CIBAR2: variants seen among roughly 807,000 people sequenced by gnomAD.
CIBAR2 encodes CBY1-interacting BAR domain-containing protein 2.
A neutral mutation model predicts 36.2 loss-of-function variants in CIBAR2; 38 were observed. The ratio of observed to expected loss-of-function variants is 1.05; its 90% confidence interval spans 0.81 to 1.38. The LOEUF (loss-of-function observed/expected upper bound fraction) is 1.38. CIBAR2 is among the 40% of genes most tolerant of loss of function. The pLI is 0.00. For missense variants in CIBAR2, 481 were observed against 383.4 expected (o/e 1.25, Z -2.13); for synonymous variants, 182 against 149.5 (o/e 1.22, Z -1.58).
At chr16:85,110,648 C>T (rs2074034934) in intron 1 of CIBAR2, among the ~76,000 whole-genome samples, 188 bp from the exon 2 acceptor site, 1 of 151,076 alleles carries the variant, frequency 6.6e-6, no homozygotes, top group East Asian at 1.9e-4. Flanking sequence ...GGGGATCTGC[C>T]TGGGCTGGTC....
In CIBAR2 at chr16:85,105,400, T is replaced by A. The variant is rs781497163; in HGVS notation, c.464A>T (p.Asp155Val). 6.2e-7 allele frequency: 1 copy of A among 1,613,464 alleles called. No homozygotes were observed. Among genetic ancestry groups the A allele is most frequent in the South Asian group, 1.1e-5 (1 of 91,062 alleles). The change falls in exon 6 of 9, where the codon GAC (aspartate) becomes GTC (valine). Residue 155 changes from aspartate to valine, a missense_variant. Asp to Val is a radical substitution (Grantham distance 152). Transcript: ENST00000539556. ...CAGCTGGAGGGTGGTGCGGCTGGAG[T>A]CCACAGCGGCCCTCTGCACTCTGGT... is the stretch of plus-strand genomic sequence containing the variant. ...AETRVQRAAV[D>V]SSRTTLQLEE...
At chr16:85,109,475 G>A (rs1305091198) in intron 2 of CIBAR2, among the ~76,000 whole-genome samples, 2 of 152,110 alleles carry the variant, frequency 1.3e-5, no homozygotes, top group Non-Finnish European at 2.9e-5. Context: ...CATGACATGC[G>A]TTGCTATCTG....
At position 85,110,470 on chromosome 16, in the gene CIBAR2, C is replaced by A; in HGVS notation, c.21-10G>T. The A allele has an allele frequency of 6.4e-7, 1 of 1,573,202 alleles. No individual in the cohort carries two copies. Among genetic ancestry groups the A allele is most frequent in the Admixed American group, 1.8e-5 (1 of 55,862 alleles). The stretch of plus-strand genomic sequence containing the variant: ...CCTCACCTGGCTGTCCCTGTGGAGG[C>A]GGGGACCTGAGCAGCCATTCTGGGC... On this transcript the variant is annotated splice_polypyrimidine_tract_variant and intron_variant, in intron 1 of 8. Transcript: ENST00000539556.
chr16:85,104,596 A>G (rs925829975), intron 6 of CIBAR2, among the ~76,000 whole-genome samples: 2 of 152,136 alleles, frequency 1.3e-5, no homozygotes, highest in Non-Finnish European at 2.9e-5. Context: ...CGTGCCTATA[A>G]TCTCAGCTAC....
At chr16:85,104,566 A>G (rs1946895349) in intron 6 of CIBAR2, among the ~76,000 whole-genome samples, 1 of 152,134 alleles carries the variant, frequency 6.6e-6, no homozygotes, top group South Asian at 2.1e-4. Context: ...AAATACAAAA[A>G]TTAGCTGGGC....
intron 5 of CIBAR2, among the ~76,000 whole-genome samples, chr16:85,107,158 G>GC (rs1354206458): frequency 6.6e-6 from 1 of 151,288 alleles, no homozygotes; most frequent in Admixed American, 6.6e-5. Context: ...CAAAAAAAAG[G>GC]GGGGGGGCAC....
chr16:85,109,473 G>A (rs571687770), intron 2 of CIBAR2, among the ~76,000 whole-genome samples: 23 of 152,268 alleles, frequency 1.5e-4, no homozygotes, highest in African/African-American at 5.3e-4. Flanking sequence ...CCCATGACAT[G>A]CGTTGCTATC....
In CIBAR2 at chr16:85,099,051, G is replaced by C. The variant is rs1597662490; in HGVS notation, c.*134C>G. On this transcript the variant is annotated 3_prime_UTR_variant, in exon 9 of 9. Transcript: ENST00000539556. ...TGAACAAGTAGAAGAAGGAAATTCAGAGCTTGAAGACAAGGTCTTTGAATT... is the reference window on the plus strand; with the variant it reads ...TGAACAAGTAGAAGAAGGAAATTCACAGCTTGAAGACAAGGTCTTTGAATT... 1 of 1,071,534 alleles carries C rather than the reference G, an allele frequency of 9.3e-7. No homozygotes were observed. Among genetic ancestry groups the C allele is most frequent in the African/African-American group, 1.6e-5 (1 of 60,786 alleles). 66.4% of individuals were successfully genotyped at this position (1,071,534 alleles called of 1,614,324 possible). A position where few individuals can be genotyped will look rare whatever the true frequency, so the allele number is the denominator to read the frequency against.
In CIBAR2 at chr16:85,099,350, C is replaced by A. The variant is rs755321134; in HGVS notation, c.754-4G>T. On this transcript the variant is annotated splice_region_variant and splice_polypyrimidine_tract_variant and intron_variant, in intron 8 of 8. Transcript: ENST00000539556. Reference sequence around the variant, plus strand: ...TCAGCTGGACCTGCAGAGTTCCCTGCAGAAATATAAATGCACCTGATGGCA... The same window carrying A: ...TCAGCTGGACCTGCAGAGTTCCCTGAAGAAATATAAATGCACCTGATGGCA... 4.1e-5 allele frequency: 62 copies of A among 1,505,244 alleles called. No individual in the cohort carries two copies. Among genetic ancestry groups the A allele is most frequent in the Non-Finnish European group, 5.5e-5 (59 of 1,080,994 alleles). The allele number at this position is 1,505,244 out of a possible 1,614,324, so 93.2% of individuals were successfully genotyped here. A position where few individuals can be genotyped will look rare whatever the true frequency, so the allele number is the denominator to read the frequency against.
chr16:85,100,151 A>C lies in CIBAR2; in HGVS notation c.741T>G (p.Ser247=), dbSNP rs959181717. The stretch of plus-strand genomic sequence containing the variant: ...CCCACACGCTCACCTGGCTGGCGAG[A>C]GACTGAAGAACAGATGGAGGGGGGC... The part of the protein sequence containing the change: ...NTSPPPSVLQ[S]LASQGTLQVQ... The change falls in exon 8 of 9, where the codon TCT becomes TCG. Residue 247 remains serine, a synonymous_variant. Coordinates refer to ENST00000539556, the MANE Select transcript of CIBAR2 (RefSeq NM_198491.3). The C allele has an allele frequency of 6.2e-7, 1 of 1,610,080 alleles. No homozygotes were observed. The highest frequency in any genetic ancestry group is 8.5e-7 in the Non-Finnish European group (1 of 1,178,538).
chr16:85,105,220 C>T, intron 6 of CIBAR2, 107 bp downstream of exon 6: 1 of 691,380 alleles, frequency 1.4e-6, no homozygotes, highest in South Asian at 1.7e-5. Flanking sequence ...GTACACAGAC[C>T]CATACACACT....
At chr16:85,111,483 C>A (rs918987248) in intron 1 of CIBAR2, among the ~76,000 whole-genome samples, 10 of 152,190 alleles carry the variant, frequency 6.6e-5, no homozygotes, top group African/African-American at 2.4e-4. Flanking sequence ...GACACTGGGG[C>A]TCCTAGGCCC....
intron 6 of CIBAR2, 83 bp downstream of exon 6, chr16:85,105,244 G>T (rs1272306522): frequency 2.5e-6 from 2 of 809,916 alleles, no homozygotes; most frequent in Non-Finnish European, 4.2e-6. Flanking sequence ...GCTGAAGCAT[G>T]CACACAGACA....
chr16:85,102,184 CA>C, intron 7 of CIBAR2, 29 bp downstream of exon 7: 1 of 1,253,480 alleles, frequency 8.0e-7, no homozygotes, highest in South Asian at 1.2e-5. Flanking sequence ...CCCACTCCAC[CA>C]TATAGGAAAC....
intron 5 of CIBAR2, among the ~76,000 whole-genome samples, chr16:85,107,133 C>A (rs887297221): frequency 2.0e-5 from 3 of 151,158 alleles, no homozygotes; most frequent in South Asian, 4.2e-4. Flanking sequence ...GGCAACAGAG[C>A]GAGACTTTGT....
At chr16:85,101,827 G>A (rs2073957990) in intron 7 of CIBAR2, among the ~76,000 whole-genome samples, 1 of 151,882 alleles carries the variant, frequency 6.6e-6, no homozygotes. Flanking sequence ...CCACCACCAC[G>A]CCTGGCTAAT....
chr16:85,106,563 G>C (rs952088702), intron 5 of CIBAR2, among the ~76,000 whole-genome samples: 5 of 152,138 alleles, frequency 3.3e-5, no homozygotes, highest in African/African-American at 1.2e-4. Context: ...CAGGCTGCCA[G>C]CTTGAAGACA....
In CIBAR2 at chr16:85,102,229, C is replaced by T. The variant is rs2073960955; in HGVS notation, c.636G>A (p.Leu212=). 1.9e-6 allele frequency: 3 copies of T among 1,597,642 alleles called. No homozygotes were observed. Among genetic ancestry groups the T allele is most frequent in the South Asian group, 2.2e-5 (2 of 90,758 alleles). ...TGTGACTCACCAGTAGATCCCTCTCCAGGTCATACTTCTCCAGGGTCTGGA... is the reference window on the plus strand; with the variant it reads ...TGTGACTCACCAGTAGATCCCTCTCTAGGTCATACTTCTCCAGGGTCTGGA... ...SAFQTLEKYD[L]ERDLLDFRAK... is the part of the protein sequence containing the mutation. Residue 212 remains leucine, a synonymous_variant, in exon 7 of 9, where the codon CTG becomes CTA. Coordinates refer to ENST00000539556, the MANE Select transcript of CIBAR2 (RefSeq NM_198491.3).
intron 8 of CIBAR2, 100 bp from the exon 9 acceptor site, chr16:85,099,446 T>A: frequency 4.1e-6 from 3 of 735,778 alleles, no homozygotes; most frequent in Admixed American, 2.3e-5. Flanking sequence ...TGAGGAACCC[T>A]GGATTCTGGA....
Sources: allele counts gnomAD v4.1 joint callset (sites outside exome capture counted in the v4.1 genomes callset), GRCh38; gene constraint gnomAD v4.1.1; transcripts MANE v1.5; gene names NCBI Gene and HGNC (gene_info 2026-07-23, HGNC 2026-07-21).